The following ZFHX3 variants were observed in gnomAD, a reference collection of about 807,000 sequenced individuals.
ZFHX3 encodes zinc finger homeobox protein 3.
ZFHX3 carries 42 observed loss-of-function variants against 279.1 expected under a neutral mutation model. The observed-to-expected ratio is 0.15, with a 90% CI of 0.12 to 0.19. The LOEUF (loss-of-function observed/expected upper bound fraction) is 0.19, where lower values mean the gene tolerates loss of function less well. Among genes scored for constraint, ZFHX3 ranks in the 10% least tolerant of loss-of-function variants. ZFHX3 has a pLI of 1.00. For synonymous variants in ZFHX3, 2,293 were observed against 1,957.8 expected (o/e 1.17, Z -4.52); for missense variants, 4,981 against 4,754.0 (o/e 1.05, Z -1.40).
At chr16:73,720,484 G>T (rs954524608) in intron 1 of ZFHX3, among the ~76,000 whole-genome samples, 1 of 152,158 alleles carries the variant, frequency 6.6e-6, no homozygotes, top group Non-Finnish European at 1.5e-5. Flanking sequence ...ATGATAAAAT[G>T]TCATGTAGCC....
chr16:73,700,677 A>G (rs1288419846), intron 1 of ZFHX3, among the ~76,000 whole-genome samples: 1 of 152,236 alleles, frequency 6.6e-6, no homozygotes, highest in Non-Finnish European at 1.5e-5. Flanking sequence ...AACACATGCC[A>G]TTAAAAGTTT....
At chr16:73,183,548 G>C (rs1040426184) in intron 5 of ZFHX3, among the ~76,000 whole-genome samples, 5 of 152,168 alleles carry the variant, frequency 3.3e-5, no homozygotes, top group African/African-American at 1.2e-4. Context: ...TGAACTCCTT[G>C]TTCACGGCTG....
At chr16:73,803,729 T>C (rs1392382179) in intron 1 of ZFHX3, among the ~76,000 whole-genome samples, 1 of 152,268 alleles carries the variant, frequency 6.6e-6, no homozygotes, top group Non-Finnish European at 1.5e-5. Flanking sequence ...AGATGTTCTT[T>C]ATACGTTAGT....
At chr16:73,128,118 A>G (rs912768319) in intron 7 of ZFHX3, among the ~76,000 whole-genome samples, 1 of 152,238 alleles carries the variant, frequency 6.6e-6, no homozygotes, top group Non-Finnish European at 1.5e-5. Context: ...ATTGTGTCAC[A>G]TCACTTAATT....
chr16:73,710,443 T>C (rs2053348421), intron 1 of ZFHX3, among the ~76,000 whole-genome samples: 1 of 152,202 alleles, frequency 6.6e-6, no homozygotes, highest in African/African-American at 2.4e-5. Flanking sequence ...TTCTATTCTT[T>C]CGCACCCGTA....
chr16:73,344,802 G>A (rs2016094996), intron 3 of ZFHX3, among the ~76,000 whole-genome samples: 1 of 152,186 alleles, frequency 6.6e-6, no homozygotes, highest in African/African-American at 2.4e-5. Flanking sequence ...AACTGCTGGG[G>A]AAGCTCGATG....
chr16:73,109,057 G>A (rs1966339584), intron 7 of ZFHX3, among the ~76,000 whole-genome samples: 1 of 152,224 alleles, frequency 6.6e-6, no homozygotes, highest in African/African-American at 2.4e-5. Context: ...CTTCAGAGGG[G>A]ACCCTCCACA....
intron 2 of ZFHX3, among the ~76,000 whole-genome samples, chr16:73,526,687 A>T (rs571373790): frequency 2.0e-5 from 3 of 152,152 alleles, no homozygotes; most frequent in Non-Finnish European, 4.4e-5. Flanking sequence ...AACCATGTTT[A>T]TCTGAGCCAA....
chr16:73,630,974 C>G (rs1278393647), intron 2 of ZFHX3, among the ~76,000 whole-genome samples: 2 of 152,148 alleles, frequency 1.3e-5, no homozygotes, highest in East Asian at 1.9e-4. Flanking sequence ...GTTGCTGATG[C>G]ACAAGGCTTT....
chr16:73,314,894 G>A (rs2015407063), intron 4 of ZFHX3, among the ~76,000 whole-genome samples: 1 of 152,202 alleles, frequency 6.6e-6, no homozygotes, highest in South Asian at 2.1e-4. Context: ...CCTGACTCTT[G>A]ATTCTCATTA....
chr16:73,566,120 C>T (rs1030017994), intron 2 of ZFHX3, among the ~76,000 whole-genome samples: 7 of 152,196 alleles, frequency 4.6e-5, no homozygotes, highest in Non-Finnish European at 7.3e-5. Context: ...GCAGCCTCAT[C>T]TCTCTCCTGA....
chr16:72,864,992 G>C (rs761909556), intron 4 of ZFHX3, among the ~76,000 whole-genome samples: 6 of 152,222 alleles, frequency 3.9e-5, no homozygotes, highest in Middle Eastern at 6.3e-3. Context: ...ATGGGTGTTA[G>C]GTGAGGCCAA....
intron 4 of ZFHX3, among the ~76,000 whole-genome samples, chr16:73,260,296 T>A (rs1372932557): frequency 6.6e-6 from 1 of 152,212 alleles, no homozygotes; most frequent in Non-Finnish European, 1.5e-5. Context: ...GTTAGAGTGG[T>A]GTCTGCTAGG....
At chr16:73,529,031 T>A (rs1484237201) in intron 2 of ZFHX3, among the ~76,000 whole-genome samples, 1 of 151,962 alleles carries the variant, frequency 6.6e-6, no homozygotes, top group Non-Finnish European at 1.5e-5. Flanking sequence ...AAAATATGAG[T>A]TTGCCAAGAA....
chr16:73,400,377 A>C (rs2017225767), intron 3 of ZFHX3: 1 of 152,170 alleles, frequency 6.6e-6, no homozygotes, highest in Non-Finnish European at 1.5e-5. Flanking sequence ...TCTCCCTGTT[A>C]CATGTTTTCA....
intron 5 of ZFHX3, among the ~76,000 whole-genome samples, chr16:73,145,463 C>T (rs1036592987): frequency 1.3e-5 from 2 of 152,050 alleles, no homozygotes; most frequent in Admixed American, 6.5e-5. Context: ...GGGGAGGGGG[C>T]GATTGGCTTT....
At chr16:73,606,727 G>A (rs1331461350) in intron 2 of ZFHX3, among the ~76,000 whole-genome samples, 2 of 151,990 alleles carry the variant, frequency 1.3e-5, no homozygotes, top group African/African-American at 2.4e-5. Flanking sequence ...ATGCTCTCCC[G>A]CTACTTCCCG....
intron 5 of ZFHX3, among the ~76,000 whole-genome samples, chr16:73,195,412 T>C (rs1018423424): frequency 2.6e-5 from 3 of 115,298 alleles, no homozygotes; most frequent in African/African-American, 1.0e-4. Flanking sequence ...GTGTCTTTAC[T>C]ATTTTTTTTT....
chr16:73,325,862 C>G (rs2015670547), intron 3 of ZFHX3, among the ~76,000 whole-genome samples: 1 of 150,624 alleles, frequency 6.6e-6, no homozygotes, highest in African/African-American at 2.5e-5. Context: ...ATGCATGTGT[C>G]CCAGAATTAT....
Sources: allele counts gnomAD v4.1 joint callset (sites outside exome capture counted in the v4.1 genomes callset), GRCh38; gene constraint gnomAD v4.1.1; transcripts MANE v1.5; gene names NCBI Gene and HGNC (gene_info 2026-07-23, HGNC 2026-07-21).